The following GLIS1 variants were observed in gnomAD, a reference collection of about 807,000 sequenced individuals.
GLIS1 encodes the protein GLIS family zinc finger 1.
A neutral mutation model predicts 63.8 loss-of-function variants in GLIS1; 24 were observed. That is an observed-to-expected ratio of 0.38 (90% CI 0.27 to 0.53). GLIS1 has a LOEUF of 0.53. GLIS1 is among the 20% of genes least tolerant of loss of function. The probability of loss-of-function intolerance (pLI) is 0.85; values close to 1 mark genes in which losing one functional copy is unlikely to be tolerated. For synonymous variants in GLIS1, 450 were observed against 482.5 expected (o/e 0.93, Z 0.88); for missense variants, 1,036 against 1,074.1 (o/e 0.96, Z 0.50).
chr1:53,709,607 A>G (rs1036508087), intron 2 of GLIS1, among the ~76,000 whole-genome samples: 3 of 151,946 alleles, frequency 2.0e-5, no homozygotes. Context: ...TGGAAGGGAA[A>G]AACTCATTCA....
intron 2 of GLIS1, among the ~76,000 whole-genome samples, chr1:53,629,920 A>G (rs1408910075): frequency 2.0e-5 from 3 of 152,132 alleles, no homozygotes; most frequent in Admixed American, 2.0e-4. Flanking sequence ...TTTCTGAGAG[A>G]TATGTATGGT....
At chr1:53,702,014 A>G (rs1170424937) in intron 2 of GLIS1, among the ~76,000 whole-genome samples, 8 of 150,480 alleles carry the variant, frequency 5.3e-5, no homozygotes, top group Non-Finnish European at 1.0e-4. Flanking sequence ...AAAAAAAAAA[A>G]AAAAAAAAGA....
rs776380380 is a variant in GLIS1 at position 53,594,581 on chromosome 1, G to C, written c.847C>G (p.Pro283Ala). ...VTCVNGLRSP[P>A]LTGDLGGPSK... ...GGGCCCCCCAGATCTCCCGTCAGAG[G>C]GGGGCTCCGGAGTCCATTTACACAG... is the stretch of plus-strand genomic sequence containing the variant. Residue 283 changes from proline to alanine, a missense_variant, in exon 4 of 11, where the codon CCT (proline) becomes GCT (alanine). Transcript: ENST00000628545. The C allele has an allele frequency of 8.2e-6, 13 of 1,594,012 alleles. No homozygotes were observed. Among genetic ancestry groups the C allele is most frequent in the Non-Finnish European group, 2.6e-6 (3 of 1,166,598 alleles).
rs1249097674 is a variant in GLIS1, at chr1:53,653,347, A to G, written c.260-53069T>C. ...CATGGTTTGGTGTGCCTTGTCCCCA[A>G]GAGACTCAGGCCCACAGTCCTCTCA... On this transcript the variant is annotated intron_variant, in intron 2 of 10. Transcript: ENST00000628545. Among the ~76,000 whole-genome samples, 5 of 152,160 alleles carry G rather than the reference A, an allele frequency of 3.3e-5. No homozygotes were observed. In the East Asian group the frequency reaches 5.8e-4, roughly 18 times the overall value.
At chr1:53,701,809 A>T (rs1207617549) in intron 2 of GLIS1, among the ~76,000 whole-genome samples, 1 of 152,090 alleles carries the variant, frequency 6.6e-6, no homozygotes, top group Non-Finnish European at 1.5e-5. Context: ...CCTGCCCAGC[A>T]TGGAGAAACC....
intron 2 of GLIS1, among the ~76,000 whole-genome samples, chr1:53,706,593 C>T (rs948686763): frequency 3.9e-5 from 6 of 152,246 alleles, no homozygotes; most frequent in African/African-American, 1.4e-4. Context: ...CCACTTCCTT[C>T]TCTCTGAACC....
rs577087546 is a variant in GLIS1 at position 53,510,730 on chromosome 1, G to C, written c.1884-703C>G. ...TCATCATCATCATTATGAAGAGGAA[G>C]GGAAGAAAAACTAGCAAGTCGGTCC... is the stretch of plus-strand genomic sequence containing the variant. On this transcript the variant is annotated intron_variant, in intron 8 of 10. Transcript: ENST00000628545. Among the ~76,000 whole-genome samples, 5 of 152,320 alleles carry C rather than the reference G, an allele frequency of 3.3e-5. No individual in the cohort carries two copies. In the East Asian group the frequency reaches 9.6e-4, roughly 29 times the overall value.
chr1:53,608,295 T>A (rs1645392577), intron 2 of GLIS1, among the ~76,000 whole-genome samples: 1 of 152,228 alleles, frequency 6.6e-6, no homozygotes, highest in African/African-American at 2.4e-5. Flanking sequence ...TAGTCCTATC[T>A]GATCAGGGCT....
chr1:53,662,227 G>A (rs115031863), intron 2 of GLIS1, among the ~76,000 whole-genome samples: 198 of 152,292 alleles, frequency 1.3e-3, no homozygotes, highest in Admixed American at 1.7e-3. Flanking sequence ...TTGATGTGCC[G>A]TGTGAGGAGC....
intron 9 of GLIS1, 74 bp from the exon 10 acceptor site, chr1:53,509,361 G>C (rs1336840998): frequency 1.5e-6 from 2 of 1,376,878 alleles, no homozygotes; most frequent in East Asian, 2.5e-5. Flanking sequence ...CATCCTTGCT[G>C]CACGCTCCAC....
Position 53,639,296 on chromosome 1 carries a change from G to T in GLIS1, c.260-39018C>A, listed in dbSNP as rs1645760308. Reference sequence around the variant, plus strand: ...GATGGCATATCCAGAAAGTGCCAGTGGGCTCCACCAGTCCCACCCTCGTTC... The same window carrying T: ...GATGGCATATCCAGAAAGTGCCAGTTGGCTCCACCAGTCCCACCCTCGTTC... On this transcript the variant is annotated intron_variant, in intron 2 of 10. Coordinates refer to ENST00000628545, the MANE Select transcript of GLIS1 (RefSeq NM_001367484.1). The surrounding 1 kb of genome is among the most constrained non-coding windows in gnomAD (Gnocchi z 4.6). Among the ~76,000 whole-genome samples the T allele has an allele frequency of 6.6e-6, 1 of 152,082 alleles. No individual in the cohort carries two copies.
intron 4 of GLIS1, among the ~76,000 whole-genome samples, chr1:53,552,224 T>C (rs1278211633): frequency 6.6e-6 from 1 of 152,040 alleles, no homozygotes; most frequent in African/African-American, 2.4e-5. Context: ...CTCCCAGGCC[T>C]CACCACACAC....
At chr1:53,512,911 A>G (rs1409485106) in intron 8 of GLIS1, among the ~76,000 whole-genome samples, 3 of 152,074 alleles carry the variant, frequency 2.0e-5, no homozygotes. Context: ...GGCGGGGACC[A>G]TCGTAGTAGA....
chr1:53,668,209 T>C (rs1646114906), intron 2 of GLIS1, among the ~76,000 whole-genome samples: 2 of 152,272 alleles, frequency 1.3e-5, no homozygotes. Flanking sequence ...GTGCATTATA[T>C]GATGCTTAGC....
At chr1:53,619,870 C>A (rs1645522809) in intron 2 of GLIS1, among the ~76,000 whole-genome samples, 1 of 152,222 alleles carries the variant, frequency 6.6e-6, no homozygotes, top group African/African-American at 2.4e-5. Context: ...TCCAAGGTGA[C>A]ACTGGGGCCA....
At chr1:53,726,248 C>T (rs1189267680) in intron 2 of GLIS1, among the ~76,000 whole-genome samples, 1 of 151,980 alleles carries the variant, frequency 6.6e-6, no homozygotes, top group Admixed American at 6.6e-5. Flanking sequence ...GCGGGTAGGT[C>T]GGCAGCTAAC....
intron 2 of GLIS1, among the ~76,000 whole-genome samples, chr1:53,690,665 C>A (rs568520720): frequency 1.3e-5 from 2 of 152,308 alleles, no homozygotes; most frequent in East Asian, 3.9e-4. Context: ...CGATGATTAA[C>A]CCCTGTTTTC....
At chr1:53,597,111 G>A (rs576056475) in intron 3 of GLIS1, among the ~76,000 whole-genome samples, 100 of 138,280 alleles carry the variant, frequency 7.2e-4, no homozygotes, top group African/African-American at 2.6e-3. Flanking sequence ...CCCACTCAAC[G>A]GCAGTTGGGG....
At chr1:53,735,415 T>C (rs140357004) in intron 2 of GLIS1, among the ~76,000 whole-genome samples, 199 of 152,344 alleles carry the variant, frequency 1.3e-3, no homozygotes, top group African/African-American at 4.7e-3. Flanking sequence ...GTAGGCACCA[T>C]TACCTCTCAC....
Sources: gnomAD v4.1 joint callset for allele counts (sites outside exome capture counted in the v4.1 genomes callset) on GRCh38, gnomAD v4.1.1 for gene constraint, Gnocchi (gnomAD v3.1) non-coding constraint, MANE v1.5 for transcripts, NCBI Gene and HGNC (gene_info 2026-07-23, HGNC 2026-07-21) for gene names.